The following TRPM3 variants were observed in gnomAD, a reference collection of about 807,000 sequenced individuals.
TRPM3 encodes the protein transient receptor potential cation channel subfamily M member 3, also known as long transient receptor potential channel 3.
TRPM3 carries 77 observed loss-of-function variants against 181.2 expected under a neutral mutation model. The ratio of observed to expected loss-of-function variants is 0.42; its 90% CI spans 0.35 to 0.51. The LOEUF (loss-of-function observed/expected upper bound fraction) is 0.51, where lower values mean the gene tolerates loss of function less well. TRPM3 is among the 20% of genes least tolerant of loss of function. The pLI is 0.01. For missense variants in TRPM3, 1,759 were observed against 2,196.7 expected (o/e 0.80, Z 3.98); for synonymous variants, 745 against 796.4 (o/e 0.94, Z 1.09).
At position 70,763,621 on chromosome 9, in the gene TRPM3, C is replaced by A. The variant is rs189404688; in HGVS notation, c.1149-1897G>T. On this transcript the variant is annotated intron_variant, in intron 7 of 25. Transcript: ENST00000677713. ...TCTTAGCTGTGGACCAGATTGAAATCATTTATTCATTCATTCATTTGTTTA... is the reference window on the plus strand; with the variant it reads ...TCTTAGCTGTGGACCAGATTGAAATAATTTATTCATTCATTCATTTGTTTA... Among the ~76,000 whole-genome samples, 60 of 152,280 alleles carry A rather than the reference C, an allele frequency of 3.9e-4. No individual in the cohort carries two copies. The Middle Eastern group carries it at 0.01, about 26-fold the overall frequency.
At chr9:70,860,876 C>T (rs1475764251) in intron 3 of TRPM3, among the ~76,000 whole-genome samples, 3 of 152,136 alleles carry the variant, frequency 2.0e-5, no homozygotes, top group East Asian at 1.9e-4. Context: ...TAAGTCATCC[C>T]GTTTAATGCT....
intron 22 of TRPM3, among the ~76,000 whole-genome samples, chr9:70,580,284 C>T (rs1048441067): frequency 5.9e-5 from 9 of 152,266 alleles, no homozygotes; most frequent in Non-Finnish European, 1.3e-4. Flanking sequence ...CCACACAAGG[C>T]GACCTGCGAA....
chr9:70,990,284 A>G (rs2097465460), intron 1 of TRPM3, among the ~76,000 whole-genome samples: 1 of 152,190 alleles, frequency 6.6e-6, no homozygotes, highest in Non-Finnish European at 1.5e-5. Context: ...TACAGGCATG[A>G]AACAACAATA....
chr9:70,640,497 C>G, intron 10 of TRPM3, 63 bp downstream of exon 10: 2 of 1,348,630 alleles, frequency 1.5e-6, no homozygotes, highest in Non-Finnish European at 2.1e-6. Flanking sequence ...CTCAGAGGCT[C>G]CTTAAACAAA....
At chr9:71,045,452 G>C (rs563409554) in intron 1 of TRPM3, among the ~76,000 whole-genome samples, 1 of 152,262 alleles carries the variant, frequency 6.6e-6, no homozygotes, top group South Asian at 2.1e-4. Context: ...TACTGTGCTG[G>C]CCTCTAAGTT....
chr9:70,937,711 A>C (rs975108723), intron 1 of TRPM3, among the ~76,000 whole-genome samples: 2 of 152,144 alleles, frequency 1.3e-5, no homozygotes, highest in African/African-American at 4.8e-5. Flanking sequence ...ATGGAAGCAG[A>C]GAAGTGGATG....
intron 1 of TRPM3, among the ~76,000 whole-genome samples, chr9:71,264,733 G>A (rs927210318): frequency 6.6e-6 from 1 of 152,134 alleles, no homozygotes; most frequent in Non-Finnish European, 1.5e-5. Flanking sequence ...TTCTGAGTGA[G>A]AATCTAGACA....
chr9:71,122,351 A>G (rs2073741173), upstream of TRPM3, among the ~76,000 whole-genome samples: 2 of 152,228 alleles, frequency 1.3e-5, no homozygotes, highest in African/African-American at 4.8e-5. Flanking sequence ...ATTTGAAGGT[A>G]GAAATTGGAT....
intron 1 of TRPM3, among the ~76,000 whole-genome samples, chr9:71,273,700 T>TG (rs2083975731): frequency 6.6e-6 from 1 of 152,180 alleles, no homozygotes; most frequent in Non-Finnish European, 1.5e-5. Flanking sequence ...TGGAACTCTT[T>TG]GGGGAGATAA....
intron 1 of TRPM3, among the ~76,000 whole-genome samples, chr9:71,292,486 A>G (rs2085899557): frequency 6.6e-6 from 1 of 151,984 alleles, no homozygotes. Context: ...AATAAAAGAT[A>G]ATATAAACAA....
At chr9:71,279,622 A>C (rs570201565) in intron 1 of TRPM3, among the ~76,000 whole-genome samples, 1 of 152,210 alleles carries the variant, frequency 6.6e-6, no homozygotes, top group African/African-American at 2.4e-5. Flanking sequence ...CCCTGGTGTG[A>C]ACACTTGGAA....
intron 9 of TRPM3, among the ~76,000 whole-genome samples, chr9:70,675,855 G>T (rs1337304862): frequency 2.0e-5 from 3 of 152,098 alleles, no homozygotes; most frequent in Non-Finnish European, 2.9e-5. Context: ...AATTGTGGAG[G>T]TTTTTGATTA....
At chr9:70,786,326 A>AAAAAAAAAAAAAAAAAAAAAAAAAAAAAG (rs2083598147) in intron 6 of TRPM3, among the ~76,000 whole-genome samples, 1 of 147,582 alleles carries the variant, frequency 6.8e-6, no homozygotes, top group Non-Finnish European at 1.5e-5. Context: ...AAAAAAAAAA[A>AAAAAAAAAAAAAAAAAAAAAAAAAAAAAG]AAAAAAAAAT....
chr9:70,894,375 A>G (rs1363401910), intron 1 of TRPM3, among the ~76,000 whole-genome samples: 1 of 152,100 alleles, frequency 6.6e-6, no homozygotes, highest in African/African-American at 2.4e-5. Flanking sequence ...GGCCCAAGGG[A>G]CCATCGGGCA....
At chr9:70,787,763 C>CTTTTTTTTTTTTTTTTTTTTTTGTTTT (rs2084089646) in intron 6 of TRPM3, among the ~76,000 whole-genome samples, 42 of 68,556 alleles carry the variant, frequency 6.1e-4, no homozygotes, top group East Asian at 1.2e-3. Flanking sequence ...TTTTTGGATT[C>CTTTTTTTTTTTTTTTTTTTTTTGTTTT]TTTTTTTTTT....
At chr9:70,898,187 A>T (rs899629146) in intron 1 of TRPM3, among the ~76,000 whole-genome samples, 1 of 149,976 alleles carries the variant, frequency 6.7e-6, no homozygotes, top group Non-Finnish European at 1.5e-5. Context: ...CAGTGGCGCG[A>T]TCTCGGCTCA....
At chr9:71,151,818 C>A (rs574291243) in intron 1 of TRPM3, among the ~76,000 whole-genome samples, 1 of 152,104 alleles carries the variant, frequency 6.6e-6, no homozygotes, top group East Asian at 1.9e-4. Flanking sequence ...GGAATGAGCT[C>A]CAAGTGAAAA....
At chr9:71,338,076 TACA>T (rs765546837) in intron 1 of TRPM3, among the ~76,000 whole-genome samples, 2 of 148,146 alleles carry the variant, frequency 1.4e-5, no homozygotes, top group African/African-American at 2.5e-5. Context: ...GAACTTAAAG[TACA>T]ACAACAACAA....
chr9:71,015,918 C>T (rs531761638), intron 1 of TRPM3, among the ~76,000 whole-genome samples: 8 of 151,758 alleles, frequency 5.3e-5, no homozygotes, highest in South Asian at 2.1e-4. Flanking sequence ...AATTCTAGGC[C>T]GGGCACGGTG....
Sources: gnomAD v4.1 joint callset for allele counts (sites outside exome capture counted in the v4.1 genomes callset) on GRCh38, gnomAD v4.1.1 for gene constraint, MANE v1.5 for transcripts, NCBI Gene and HGNC (gene_info 2026-07-23, HGNC 2026-07-21) for gene names.